LDLRAD4: variants seen among roughly 807,000 people sequenced by gnomAD.
LDLRAD4 encodes low density lipoprotein receptor class A domain containing 4.
In LDLRAD4, 5 loss-of-function variants were observed where a neutral mutation model predicts 17.0. The ratio of observed to expected loss-of-function variants is 0.29; its 90% CI spans 0.15 to 0.62. The LOEUF (loss-of-function observed/expected upper bound fraction) is 0.62. Ranked by LOEUF, LDLRAD4 falls within the 20% of genes least tolerant of loss-of-function variation. The pLI, the probability that LDLRAD4 is intolerant of heterozygous loss-of-function variation, is 0.84. For synonymous variants in LDLRAD4, 168 were observed against 171.8 expected (o/e 0.98, Z 0.17); for missense variants, 340 against 424.7 (o/e 0.80, Z 1.75).
Position 13,418,179 on chromosome 18 carries a change from G to T in LDLRAD4, c.41-20065G>T, listed in dbSNP as rs566068078. Among the ~76,000 whole-genome samples the T allele has an allele frequency of 7.8e-4, 119 of 152,264 alleles. 1 individual carries two copies. Among genetic ancestry groups the T allele is most frequent in the African/African-American group, 2.7e-3 (112 of 41,556 alleles). ...CCTCTGTAGCTTCCTCCTCAATTAGGCTCTCTTCCAACTCCCAACTCAACC... is the reference window on the plus strand; with the variant it reads ...CCTCTGTAGCTTCCTCCTCAATTAGTCTCTCTTCCAACTCCCAACTCAACC... On this transcript the variant is annotated intron_variant, in intron 2 of 5. Coordinates refer to ENST00000359446, the Ensembl canonical transcript of LDLRAD4.
At chr18:13,361,857 C>T (rs538881535) in intron 1 of LDLRAD4, among the ~76,000 whole-genome samples, 3 of 152,212 alleles carry the variant, frequency 2.0e-5, no homozygotes, top group South Asian at 2.1e-4. Flanking sequence ...GGTAGAGCGA[C>T]GCATGACTGC....
chr18:13,284,607 C>T (rs2045500187), intron 1 of LDLRAD4, among the ~76,000 whole-genome samples: 3 of 151,936 alleles, frequency 2.0e-5, no homozygotes, highest in Admixed American at 6.6e-5. Context: ...TTCCGTGGTG[C>T]GGGAGGTTAG....
chr18:13,612,553 C>G (rs978560264), intron 3 of LDLRAD4: 160 of 1,450,576 alleles, frequency 1.1e-4, no homozygotes, highest in Admixed American at 1.2e-4. Flanking sequence ...ACACCCCCCC[C>G]CCCTCCACGC....
Position 13,499,480 on chromosome 18 carries a change from G to A in LDLRAD4, c.181+61096G>A, listed in dbSNP as rs559610740. Among the ~76,000 whole-genome samples, 526 of 140,406 alleles carry A rather than the reference G, an allele frequency of 3.7e-3. 1 individual carries two copies. Among genetic ancestry groups the A allele is most frequent in the Admixed American group, 7.6e-3 (105 of 13,876 alleles). 92.1% of individuals were successfully genotyped at this position (140,406 alleles called of 152,430 possible). A position where few individuals can be genotyped will look rare whatever the true frequency, so the allele number is the denominator to read the frequency against. Reference sequence around the variant, plus strand: ...GAATCCTTCTACTCACACACGTCCCGCCGTGGATACTGGAGAATCCTTCTT... The same window carrying A: ...GAATCCTTCTACTCACACACGTCCCACCGTGGATACTGGAGAATCCTTCTT... On this transcript the variant is annotated intron_variant, in intron 3 of 5. Transcript: ENST00000359446.
intron 2 of LDLRAD4, among the ~76,000 whole-genome samples, chr18:13,432,021 G>T (rs1025366376): frequency 6.6e-6 from 1 of 152,200 alleles, no homozygotes; most frequent in Non-Finnish European, 1.5e-5. Flanking sequence ...CACCAGGTGA[G>T]GCATGAGCAC....
At chr18:13,257,164 G>A (rs9652933) in intron 1 of LDLRAD4, among the ~76,000 whole-genome samples, 73,989 of 152,092 alleles carry the variant, frequency 0.49, 18,118 homozygotes, top group Admixed American at 0.56. Context: ...ACAGCCTCGC[G>A]GCCCTGGCTC....
At chr18:13,468,614 C>G (rs952516222) in intron 3 of LDLRAD4, among the ~76,000 whole-genome samples, 8 of 151,892 alleles carry the variant, frequency 5.3e-5, no homozygotes, top group Non-Finnish European at 1.0e-4. Context: ...TGTCCAACAA[C>G]GATAGACTGG....
At chr18:13,387,912 G>A in intron 2 of LDLRAD4, 150 bp downstream of exon 3, 1 of 662,422 alleles carries the variant, frequency 1.5e-6, no homozygotes, top group East Asian at 2.7e-5. Flanking sequence ...GACTGATTCT[G>A]ACAAAATAAT....
intron 3 of LDLRAD4, among the ~76,000 whole-genome samples, chr18:13,486,087 G>A (rs955749822): frequency 1.3e-5 from 2 of 152,146 alleles, no homozygotes; most frequent in Non-Finnish European, 2.9e-5. Context: ...TGGTTGTGGG[G>A]TGCATCCACC....
chr18:13,370,025 CAATGCATG>C (rs1404565629), intron 1 of LDLRAD4, among the ~76,000 whole-genome samples: 1 of 152,202 alleles, frequency 6.6e-6, no homozygotes, highest in African/African-American at 2.4e-5. Flanking sequence ...ATGGAATAGT[CAATGCATG>C]GACATTTTTA....
At chr18:13,479,355 C>T (rs28835641) in intron 3 of LDLRAD4, among the ~76,000 whole-genome samples, 6,156 of 152,220 alleles carry the variant, frequency 0.04, 398 homozygotes, top group African/African-American at 0.14. Context: ...GTGCAGTGGC[C>T]GACATCTGTA....
At chr18:13,389,049 T>G (rs2086052699) in intron 2 of LDLRAD4, among the ~76,000 whole-genome samples, 1 of 152,142 alleles carries the variant, frequency 6.6e-6, no homozygotes, top group Non-Finnish European at 1.5e-5. Flanking sequence ...TCCCAGGTTG[T>G]GGTGTGCGGG....
intron 1 of LDLRAD4, among the ~76,000 whole-genome samples, chr18:13,245,291 A>G (rs1409168088): frequency 6.6e-6 from 1 of 152,118 alleles, no homozygotes; most frequent in South Asian, 2.1e-4. Context: ...TAATGGGGAG[A>G]CGAGGTGAGA....
chr18:13,249,595 C>CT (rs202121257), intron 1 of LDLRAD4, among the ~76,000 whole-genome samples: 5,331 of 143,884 alleles, frequency 0.037, 254 homozygotes, highest in East Asian at 0.11. Context: ...AAAATTAGAT[C>CT]TTTTTTTTTT....
chr18:13,496,225 G>A (rs1022197481), intron 3 of LDLRAD4, among the ~76,000 whole-genome samples: 5 of 152,188 alleles, frequency 3.3e-5, no homozygotes, highest in Admixed American at 6.5e-5. Context: ...AGGAAATCGT[G>A]TGCGTTGTTC....
At chr18:13,328,561 A>G (rs2081660574) in intron 1 of LDLRAD4, among the ~76,000 whole-genome samples, 1 of 152,212 alleles carries the variant, frequency 6.6e-6, no homozygotes, top group African/African-American at 2.4e-5. Flanking sequence ...CATGAACTTC[A>G]TCATTCTTCA....
At chr18:13,278,292 G>A (rs759552277) in intron 1 of LDLRAD4, 104 bp downstream of exon 2, 4 of 152,458 alleles carry the variant, frequency 2.6e-5, no homozygotes. Context: ...GGCTGCGTTT[G>A]TTTTGACAAG....
At chr18:13,632,867 A>T (rs1201240514) in intron 4 of LDLRAD4, among the ~76,000 whole-genome samples, 1 of 152,274 alleles carries the variant, frequency 6.6e-6, no homozygotes. Context: ...TAGGCAGGTC[A>T]TCCTGATGTC....
At chr18:13,626,098 G>T (rs369048202) in intron 4 of LDLRAD4, among the ~76,000 whole-genome samples, 1 of 151,994 alleles carries the variant, frequency 6.6e-6, no homozygotes, top group South Asian at 2.1e-4. Context: ...AGCAACTCAG[G>T]TGTGAATTAC....
Sources: allele counts gnomAD v4.1 joint callset (sites outside exome capture counted in the v4.1 genomes callset), GRCh38; gene constraint gnomAD v4.1.1; transcripts MANE v1.5; gene names NCBI Gene and HGNC (gene_info 2026-07-23, HGNC 2026-07-21).